Variants in TBCK observed in about 807,000 individuals in gnomAD.
The protein encoded by TBCK is TBC1 domain containing kinase, also known as TBC domain-containing protein kinase-like protein.
TBCK carries 99 observed loss-of-function variants against 113.4 expected under a neutral mutation model. That is an observed-to-expected ratio of 0.87 (90% CI 0.74 to 1.03). The LOEUF (loss-of-function observed/expected upper bound fraction) is 1.03, where lower values mean the gene tolerates loss of function less well. Ranked by LOEUF, TBCK falls within the 50% of genes least tolerant of loss-of-function variation. The pLI is 0.00. For missense variants in TBCK, 1,045 were observed against 1,061.3 expected, an observed-to-expected ratio of 0.98 and a Z score of 0.21; for synonymous variants, 369 against 370.8, an observed-to-expected ratio of 1.00 and a Z score of 0.05.
chr4:106,082,487 A>G (rs1412238523), intron 25 of TBCK, among the ~76,000 whole-genome samples: 1 of 152,274 alleles, frequency 6.6e-6, no homozygotes, highest in Non-Finnish European at 1.5e-5. Context: ...CCTGTCAGGT[A>G]CTATGCTCAC....
intron 2 of TBCK, among the ~76,000 whole-genome samples, chr4:106,295,757 T>G (rs1318902936): frequency 6.6e-6 from 1 of 152,174 alleles, no homozygotes; most frequent in Non-Finnish European, 1.5e-5. Context: ...ACTTAACTAC[T>G]AATTTGCCTA....
intron 23 of TBCK, among the ~76,000 whole-genome samples, chr4:106,126,226 C>G (rs1180758244): frequency 6.6e-6 from 1 of 152,186 alleles, no homozygotes; most frequent in Non-Finnish European, 1.5e-5. Context: ...GACAAAGTTT[C>G]TCTTCTATGT....
At chr4:106,294,638 C>T (rs953897132) in intron 3 of TBCK, among the ~76,000 whole-genome samples, 1 of 151,980 alleles carries the variant, frequency 6.6e-6, no homozygotes, top group Admixed American at 6.5e-5. Flanking sequence ...CCCACCACCA[C>T]GTCCAGCTAA....
intron 20 of TBCK, among the ~76,000 whole-genome samples, chr4:106,200,048 T>C (rs1399213999): frequency 6.6e-6 from 1 of 152,212 alleles, no homozygotes; most frequent in Non-Finnish European, 1.5e-5. Flanking sequence ...CTCTATTACC[T>C]ATTTGACCTT....
intron 25 of TBCK, among the ~76,000 whole-genome samples, chr4:106,077,451 T>A (rs1241713161): frequency 6.6e-6 from 1 of 152,090 alleles, no homozygotes; most frequent in Non-Finnish European, 1.5e-5. Flanking sequence ...AGCAATAGGC[T>A]TAAAGTAAAG....
At chr4:106,224,526 A>C (rs1336715365) in intron 19 of TBCK, among the ~76,000 whole-genome samples, 3 of 152,160 alleles carry the variant, frequency 2.0e-5, no homozygotes, top group Non-Finnish European at 4.4e-5. Flanking sequence ...ACTACTTTGA[A>C]GTGTAAAGCT....
intron 2 of TBCK, among the ~76,000 whole-genome samples, chr4:106,296,510 C>T (rs1766319303): frequency 6.6e-6 from 1 of 151,764 alleles, no homozygotes. Context: ...TAAAATAGTT[C>T]AGTAATGATT....
intron 5 of TBCK, among the ~76,000 whole-genome samples, chr4:106,253,408 C>T (rs1383532189): frequency 1.3e-5 from 2 of 152,176 alleles, no homozygotes; most frequent in East Asian, 1.9e-4. Flanking sequence ...TTATGAACAA[C>T]GTTGCACAGA....
At chr4:106,314,914 C>G (rs1360978560) in intron 1 of TBCK, among the ~76,000 whole-genome samples, 1 of 151,998 alleles carries the variant, frequency 6.6e-6, no homozygotes, top group Non-Finnish European at 1.5e-5. Context: ...CGTGAGCCAC[C>G]GCGCCCGACC....
At position 106,133,180 on chromosome 4, in the gene TBCK, C is replaced by G. The variant is rs146960803; in HGVS notation, c.2236-16802G>C. ...AAATCTCACCTTGAACTGTAATAAT[C>G]CCCAAGTGTGAAGGGTGGGGTCAGG... On this transcript the variant is annotated intron_variant, in intron 23 of 25. Transcript: ENST00000394708. Among the ~76,000 whole-genome samples the G allele has an allele frequency of 5.5e-3, 844 of 152,234 alleles. 10 individuals carry two copies. The highest frequency in any genetic ancestry group is 0.02 in the African/African-American group (816 of 41,524).
intron 1 of TBCK, among the ~76,000 whole-genome samples, chr4:106,313,508 T>C (rs1372882824): frequency 6.6e-5 from 10 of 152,146 alleles, no homozygotes. Flanking sequence ...CATTAAAAAA[T>C]AAAATTACCT....
At chr4:106,276,563 A>G (rs1764045452) in intron 3 of TBCK, among the ~76,000 whole-genome samples, 2 of 152,080 alleles carry the variant, frequency 1.3e-5, no homozygotes, top group Admixed American at 1.3e-4. Flanking sequence ...AATAATAATA[A>G]TAACTTCTGC....
intron 22 of TBCK, among the ~76,000 whole-genome samples, chr4:106,175,681 C>T (rs1670635143): frequency 6.6e-6 from 1 of 152,046 alleles, no homozygotes; most frequent in African/African-American, 2.4e-5. Context: ...TTAAAATGGT[C>T]ACTTTTGTAA....
Position 106,260,420 on chromosome 4 carries a change from G to T in TBCK, c.455+17C>A. Reference sequence around the variant, plus strand: ...AAGTTAAAAAGAAACTCAAAATAGAGGAAAACATATCCTTACCCTATTGGG... The same window carrying T: ...AAGTTAAAAAGAAACTCAAAATAGATGAAAACATATCCTTACCCTATTGGG... On this transcript the variant is annotated intron_variant, in intron 5 of 25. Coordinates refer to ENST00000394708, the MANE Select transcript of TBCK (RefSeq NM_001163435.3). 8.7e-7 allele frequency: 1 copy of T among 1,149,060 alleles called. No individual in the cohort carries two copies. Among genetic ancestry groups the T allele is most frequent in the Non-Finnish European group, 1.2e-6 (1 of 860,014 alleles). The allele number at this position is 1,149,060 out of a possible 1,614,324, so 71.2% of individuals were successfully genotyped here.
chr4:106,107,207 T>G (rs1178291085), intron 24 of TBCK, among the ~76,000 whole-genome samples: 1 of 152,174 alleles, frequency 6.6e-6, no homozygotes, highest in Non-Finnish European at 1.5e-5. Flanking sequence ...AACACTCCAA[T>G]GACAGTATTA....
intron 3 of TBCK, among the ~76,000 whole-genome samples, chr4:106,274,081 C>T (rs1433866491): frequency 6.6e-6 from 1 of 152,054 alleles, no homozygotes; most frequent in Non-Finnish European, 1.5e-5. Context: ...AAGCTCTGGG[C>T]CAGGAACTTG....
intron 23 of TBCK, among the ~76,000 whole-genome samples, chr4:106,149,731 A>C (rs1167085565): frequency 6.6e-6 from 1 of 152,190 alleles, no homozygotes; most frequent in Non-Finnish European, 1.5e-5. Context: ...GTATGACACA[A>C]AGACACAAAG....
intron 22 of TBCK, among the ~76,000 whole-genome samples, chr4:106,190,771 C>T (rs1408567240): frequency 1.3e-5 from 2 of 151,792 alleles, no homozygotes; most frequent in African/African-American, 4.8e-5. Flanking sequence ...GACAGAGTCT[C>T]ACTCTGTTGC....
chr4:106,251,842 A>G, intron 6 of TBCK, 24 bp downstream of exon 6: 1 of 1,477,592 alleles, frequency 6.8e-7, no homozygotes, highest in Non-Finnish European at 9.0e-7. Flanking sequence ...TCCTTTTATT[A>G]TATTAATATT....
Sources: allele counts gnomAD v4.1 joint callset (sites outside exome capture counted in the v4.1 genomes callset), GRCh38; gene constraint gnomAD v4.1.1; transcripts MANE v1.5; gene names NCBI Gene and HGNC (gene_info 2026-07-23, HGNC 2026-07-21).